The following BAG4 variants were observed in gnomAD, a reference collection of about 807,000 sequenced individuals.
BAG4 encodes the protein BAG family molecular chaperone regulator 4.
Under a neutral mutation model 52.1 loss-of-function variants are expected in BAG4, and 28 were observed. That is an observed-to-expected ratio of 0.54 (90% confidence interval 0.40 to 0.74). The LOEUF is 0.74. BAG4 is among the 30% of genes least tolerant of loss of function. The probability of loss-of-function intolerance (pLI) is 0.00; values close to 1 mark genes in which losing one functional copy is unlikely to be tolerated. For synonymous variants in BAG4, 208 were observed against 217.0 expected, an observed-to-expected ratio of 0.96 and a Z score of 0.37; for missense variants, 525 against 572.0, an observed-to-expected ratio of 0.92 and a Z score of 0.84.
chr8:38,192,922 A>T, intron 2 of BAG4, 127 bp downstream of exon 2: 1 of 602,250 alleles, frequency 1.7e-6, no homozygotes, highest in Non-Finnish European at 2.8e-6. Flanking sequence ...GGCTCCATCA[A>T]TCTCATCTTA....
chr8:38,199,322 A>G (rs1803619132), intron 2 of BAG4, among the ~76,000 whole-genome samples: 1 of 152,234 alleles, frequency 6.6e-6, no homozygotes, highest in Admixed American at 6.5e-5. Flanking sequence ...TATGCAGTGC[A>G]TGACTGTATA....
intron 2 of BAG4, chr8:38,201,893 T>TA (rs1203249793): frequency 8.6e-6 from 1 of 116,086 alleles, no homozygotes; most frequent in African/African-American, 3.5e-5. Flanking sequence ...TTTTTTTTTT[T>TA]TTTTTTTTTT....
In BAG4 at chr8:38,176,941, G is replaced by A. The variant is rs752005025; in HGVS notation, c.72G>A (p.Gly24=). The A allele has an allele frequency of 6.4e-7, 1 of 1,555,242 alleles. No individual in the cohort carries two copies. The highest frequency in any genetic ancestry group is 1.4e-5 in the African/African-American group (1 of 73,432). The part of the protein sequence containing the change: ...GPSYGRYYGP[G]GGDVPVHPPP... The stretch of plus-strand genomic sequence containing the variant: ...CCTACGGCCGCTACTACGGGCCTGG[G>A]GGTGGAGATGTGCCGGTACACCCAC... The change falls in exon 1 of 5, where the codon GGG becomes GGA. Residue 24 remains glycine (G), a synonymous_variant. Transcript: ENST00000287322.
intron 3 of BAG4, 35 bp from the exon 4 acceptor site, chr8:38,208,978 C>T (rs1209537014): frequency 7.6e-6 from 12 of 1,584,592 alleles, no homozygotes; most frequent in Non-Finnish European, 9.4e-6. Flanking sequence ...ATAAGTTTTT[C>T]ACAATGACTG....
At chr8:38,185,627 C>T (rs767385174) in intron 1 of BAG4, among the ~76,000 whole-genome samples, 1 of 152,142 alleles carries the variant, frequency 6.6e-6, no homozygotes, top group Non-Finnish European at 1.5e-5. Context: ...GCCATCTTGG[C>T]GATCTCGGCT....
At chr8:38,207,056 G>T (rs1374013460) in intron 2 of BAG4, among the ~76,000 whole-genome samples, 1 of 150,986 alleles carries the variant, frequency 6.6e-6, no homozygotes, top group African/African-American at 2.4e-5. Context: ...GGGTTCAAGC[G>T]ATTCTCCTGC....
chr8:38,209,485 G>C (rs1803832579), intron 4 of BAG4: 2 of 586,316 alleles, frequency 3.4e-6, no homozygotes, highest in Non-Finnish European at 5.6e-6. Flanking sequence ...TTTGTTAAAA[G>C]ACAGAAAGAT....
chr8:38,195,618 A>C (rs1803550351), intron 2 of BAG4, among the ~76,000 whole-genome samples: 1 of 152,188 alleles, frequency 6.6e-6, no homozygotes, highest in South Asian at 2.1e-4. Flanking sequence ...TATGAACTTA[A>C]GGATGAGGTT....
At chr8:38,197,841 A>G (rs540495681) in intron 2 of BAG4, among the ~76,000 whole-genome samples, 3 of 152,118 alleles carry the variant, frequency 2.0e-5, no homozygotes, top group Admixed American at 6.5e-5. Flanking sequence ...CTGGGACTAC[A>G]GGCGTGTGCC....
chr8:38,187,761 G>A (rs572504219), intron 1 of BAG4, among the ~76,000 whole-genome samples: 7 of 151,148 alleles, frequency 4.6e-5, no homozygotes, highest in Non-Finnish European at 7.4e-5. Context: ...TGTGGCTCAC[G>A]CCTGTAATCC....
chr8:38,188,939 G>A (rs1374754853), intron 1 of BAG4, among the ~76,000 whole-genome samples: 3 of 149,806 alleles, frequency 2.0e-5, no homozygotes, highest in Non-Finnish European at 3.0e-5. Flanking sequence ...GACTACGGGT[G>A]TGTGCCACCA....
chr8:38,210,910 G>A lies in BAG4; in HGVS notation c.*417G>A, dbSNP rs1479625387. 1 of 159,394 alleles carries A rather than the reference G, an allele frequency of 6.3e-6. No homozygotes were observed. Among genetic ancestry groups the A allele is most frequent in the Non-Finnish European group, 1.4e-5 (1 of 72,456 alleles). 9.9% of individuals were successfully genotyped at this position (159,394 alleles called of 1,614,324 possible). On this transcript the variant is annotated 3_prime_UTR_variant, in exon 5 of 5. Transcript: ENST00000287322. ...ATATCTTGTCACATTTTTGTACATT[G>A]TGACTGCTTTCAACATATACTTCAT...
chr8:38,189,979 G>A (rs996157239), intron 1 of BAG4, among the ~76,000 whole-genome samples: 1 of 152,104 alleles, frequency 6.6e-6, no homozygotes, highest in African/African-American at 2.4e-5. Flanking sequence ...TAGAGATGGG[G>A]TTTCACCGTG....
At chr8:38,181,708 G>A (rs1199528103) in intron 1 of BAG4, among the ~76,000 whole-genome samples, 1 of 151,728 alleles carries the variant, frequency 6.6e-6, no homozygotes, top group Non-Finnish European at 1.5e-5. Flanking sequence ...CTGCACTCCA[G>A]CCTGGGCAAC....
At chr8:38,203,449 A>AT (rs1194144472) in intron 2 of BAG4, among the ~76,000 whole-genome samples, 3 of 151,564 alleles carry the variant, frequency 2.0e-5, no homozygotes, top group Non-Finnish European at 2.9e-5. Flanking sequence ...CGCCCAGCTA[A>AT]TTTTTTTGTA....
intron 2 of BAG4, among the ~76,000 whole-genome samples, chr8:38,194,878 C>T (rs1330369928): frequency 3.8e-5 from 5 of 131,306 alleles, no homozygotes; most frequent in East Asian, 2.2e-4. Flanking sequence ...TTTTTTTGGC[C>T]GAGTCTCGCT....
intron 2 of BAG4, 62 bp downstream of exon 2, chr8:38,192,857 C>G: frequency 1.5e-6 from 2 of 1,328,594 alleles, no homozygotes; most frequent in Non-Finnish European, 1.0e-6. Flanking sequence ...ATTTTCAAAA[C>G]CTGTGCAGAT....
intron 4 of BAG4, 33 bp from the exon 5 acceptor site, chr8:38,209,975 G>T (rs1472114388): frequency 6.3e-7 from 1 of 1,598,886 alleles, no homozygotes; most frequent in Non-Finnish European, 8.5e-7. Flanking sequence ...CATTAAAACA[G>T]CTCTTTTCCT....
At position 38,211,271 on chromosome 8, in the gene BAG4, G is replaced by A. The variant is rs1803865075; in HGVS notation, c.*778G>A. On this transcript the variant is annotated 3_prime_UTR_variant, in exon 5 of 5. Coordinates refer to ENST00000287322, the MANE Select transcript of BAG4 (RefSeq NM_004874.4). ...AGTAGTGGAAGGTAAATTTGGAAAT[G>A]GCATTGACATAAAATGAAAATGTTT... is the stretch of plus-strand genomic sequence containing the variant. 1 of 143,790 alleles carries A rather than the reference G, an allele frequency of 7.0e-6. No individual in the cohort carries two copies. The highest frequency in any genetic ancestry group is 1.5e-5 in the Non-Finnish European group (1 of 66,648). The allele number at this position is 143,790 out of a possible 1,614,324, so 8.9% of individuals were successfully genotyped here. A position where few individuals can be genotyped will look rare whatever the true frequency, so the allele number is the denominator to read the frequency against.
Sources: allele counts gnomAD v4.1 joint callset (sites outside exome capture counted in the v4.1 genomes callset), GRCh38; gene constraint gnomAD v4.1.1; transcripts MANE v1.5; gene names NCBI Gene and HGNC (gene_info 2026-07-23, HGNC 2026-07-21).